Variants in KCNMA1 observed in about 807,000 individuals in gnomAD.
KCNMA1 encodes the protein Calcium-activated potassium channel subunit alpha-1.
A neutral mutation model predicts 140.0 loss-of-function variants in KCNMA1; 29 were observed. That is an observed-to-expected ratio of 0.21 (90% confidence interval 0.15 to 0.28). The LOEUF (loss-of-function observed/expected upper bound fraction) is 0.28. KCNMA1 is among the 10% of genes least tolerant of loss of function. KCNMA1 has a pLI of 1.00. For synonymous variants in KCNMA1, 612 were observed against 611.9 expected, an observed-to-expected ratio of 1.00 and a Z score of 0.00; for missense variants, 880 against 1,602.2, an observed-to-expected ratio of 0.55 and a Z score of 7.70.
rs1198288901 is a variant in KCNMA1, at chr10:76,885,194, C to CATATATATAGTT, written c.*2060_*2071dup. 2.3e-6 allele frequency: 2 copies of CATATATATAGTT among 876,006 alleles called. No individual in the cohort carries two copies. The highest frequency in any genetic ancestry group is 5.8e-5 in the East Asian group (1 of 17,126). The allele number at this position is 876,006 out of a possible 1,614,324, so 54.3% of individuals were successfully genotyped here. ...CTTCATGATCCAATACTAGGGGATA[C>CATATATATAGTT]ATATATATAGTTATATATATAGTTA... is the stretch of plus-strand genomic sequence containing the variant. On this transcript the variant is annotated 3_prime_UTR_variant, in exon 28 of 28. Transcript: ENST00000286628.
intron 23 of KCNMA1, among the ~76,000 whole-genome samples, chr10:76,933,045 A>G (rs564235605): frequency 6.6e-6 from 1 of 152,300 alleles, no homozygotes; most frequent in South Asian, 2.1e-4. Context: ...TACAGTTTAT[A>G]TTAGAGACAA....
chr10:77,262,586 G>A (rs1425148666), intron 2 of KCNMA1, among the ~76,000 whole-genome samples: 1 of 152,076 alleles, frequency 6.6e-6, no homozygotes, highest in Non-Finnish European at 1.5e-5. Flanking sequence ...TTTGGTCATG[G>A]GGGTGGATCC....
In KCNMA1 at chr10:77,402,181, C is replaced by T. The variant is rs147996442; in HGVS notation, c.540+1681G>A. ...TGAATACCCAGACTCAGAATTCAAC[C>T]TCTCTTAAGTTTCCAATGCAGAATC... On this transcript the variant is annotated intron_variant, in intron 2 of 27. Transcript: ENST00000286628. Among the ~76,000 whole-genome samples, 38 of 152,286 alleles carry T rather than the reference C, an allele frequency of 2.5e-4. No homozygotes were observed. The East Asian group carries it at 7.1e-3, about 29-fold the overall frequency.
intron 3 of KCNMA1, chr10:77,217,456 G>A (rs1466031152): frequency 2.0e-5 from 9 of 456,428 alleles, no homozygotes; most frequent in South Asian, 1.4e-4. Flanking sequence ...CAACTGGTAT[G>A]TATTAAAGGA....
At chr10:76,976,468 C>A (rs1158536656) in intron 19 of KCNMA1, among the ~76,000 whole-genome samples, 1 of 152,136 alleles carries the variant, frequency 6.6e-6, no homozygotes, top group African/African-American at 2.4e-5. Flanking sequence ...TGAACAGAAT[C>A]CACATGACAT....
At chr10:76,878,029 G>A in intron 29 of KCNMA1, 1 of 812,360 alleles carries the variant, frequency 1.2e-6, no homozygotes, top group Non-Finnish European at 2.0e-6. Context: ...ATTGCTAAGA[G>A]AGACAGTGCA....
chr10:77,347,782 C>T (rs1212452919), intron 2 of KCNMA1, among the ~76,000 whole-genome samples: 3 of 152,256 alleles, frequency 2.0e-5, no homozygotes. Flanking sequence ...TTAAAAGATT[C>T]CAGCAAATAA....
intron 1 of KCNMA1, among the ~76,000 whole-genome samples, chr10:77,474,146 A>G (rs7069801): frequency 0.18 from 27,948 of 152,222 alleles, 2,617 homozygotes; most frequent in Middle Eastern, 0.24. Context: ...GTGAAAACGC[A>G]AAGTCTACAA....
Position 77,098,054 on chromosome 10 carries a change from A to T in KCNMA1, c.1224-7544T>A, listed in dbSNP as rs189470731. ...ATCTTATCGCATGCAGACAGTCAGAACCTCAGCTACCCTAGAGGGATCTGT... is the reference window on the plus strand; with the variant it reads ...ATCTTATCGCATGCAGACAGTCAGATCCTCAGCTACCCTAGAGGGATCTGT... On this transcript the variant is annotated intron_variant, in intron 9 of 27. Transcript: ENST00000286628. 2.0e-5 allele frequency among the ~76,000 whole-genome samples: 3 copies of T among 152,204 alleles called. No individual in the cohort carries two copies. In the East Asian group the frequency reaches 5.8e-4, roughly 29 times the overall value.
intron 9 of KCNMA1, among the ~76,000 whole-genome samples, chr10:77,106,453 C>A (rs570515155): frequency 6.6e-6 from 1 of 152,206 alleles, no homozygotes; most frequent in African/African-American, 2.4e-5. Flanking sequence ...GCTGAGAGCC[C>A]CATCTGGGTC....
intron 3 of KCNMA1, among the ~76,000 whole-genome samples, chr10:77,209,928 CAAAA>C (rs34004473): frequency 7.8e-6 from 1 of 128,228 alleles, no homozygotes. Flanking sequence ...ACCTACCAAC[CAAAA>C]AAAAAAAAAA....
chr10:76,955,902 C>T (rs1478913507), intron 20 of KCNMA1, among the ~76,000 whole-genome samples: 1 of 152,182 alleles, frequency 6.6e-6, no homozygotes, highest in African/African-American at 2.4e-5. Flanking sequence ...TATTAGCAGA[C>T]TTGCCCTGAA....
chr10:77,025,546 T>C, intron 16 of KCNMA1: 1 of 1,098,182 alleles, frequency 9.1e-7, no homozygotes, highest in Non-Finnish European at 1.3e-6. Context: ...AAAACCTTTG[T>C]TTCAAATCAC....
chr10:76,954,573 A>G (rs2067473997), intron 20 of KCNMA1, among the ~76,000 whole-genome samples: 1 of 152,186 alleles, frequency 6.6e-6, no homozygotes, highest in African/African-American at 2.4e-5. Flanking sequence ...ACTGACTACC[A>G]AATGCCCACA....
At chr10:77,380,979 C>T (rs937134754) in intron 2 of KCNMA1, among the ~76,000 whole-genome samples, 2 of 152,172 alleles carry the variant, frequency 1.3e-5, no homozygotes, top group African/African-American at 4.8e-5. Flanking sequence ...CCTGGGCAAC[C>T]CTGTGCTTTT....
intron 19 of KCNMA1, among the ~76,000 whole-genome samples, chr10:76,985,243 T>TAATATGTA (rs2080924445): frequency 6.6e-6 from 1 of 152,204 alleles, no homozygotes; most frequent in Non-Finnish European, 1.5e-5. Context: ...TAAAGCACTG[T>TAATATGTA]AAGTCACCCA....
chr10:77,537,421 G>T (rs1036720719), intron 1 of KCNMA1, among the ~76,000 whole-genome samples: 4 of 151,962 alleles, frequency 2.6e-5, no homozygotes, highest in African/African-American at 9.7e-5. Flanking sequence ...CCCCACCCAG[G>T]GCCCACCTTC....
At chr10:77,347,450 C>A (rs1703266879) in intron 2 of KCNMA1, among the ~76,000 whole-genome samples, 1 of 152,184 alleles carries the variant, frequency 6.6e-6, no homozygotes, top group African/African-American at 2.4e-5. Flanking sequence ...TGCCTCCTAC[C>A]AACGCTGAGA....
At chr10:77,131,325 G>A (rs745661573) in intron 5 of KCNMA1, among the ~76,000 whole-genome samples, 1 of 152,166 alleles carries the variant, frequency 6.6e-6, no homozygotes, top group South Asian at 2.1e-4. Context: ...CACAAAACAG[G>A]CCAAGCACGG....
Sources: gnomAD v4.1 joint callset for allele counts (sites outside exome capture counted in the v4.1 genomes callset) on GRCh38, gnomAD v4.1.1 for gene constraint, MANE v1.5 for transcripts, NCBI Gene and HGNC (gene_info 2026-07-23, HGNC 2026-07-21) for gene names.